Variants in SEC63 observed in about 807,000 individuals in gnomAD.
SEC63 encodes translocation protein SEC63 homolog.
SEC63 carries 56 observed loss-of-function variants against 116.2 expected under a neutral mutation model. The ratio of observed to expected loss-of-function variants is 0.48; its 90% CI spans 0.39 to 0.60. SEC63 has a LOEUF of 0.60. Among genes scored for constraint, SEC63 ranks in the 20% least tolerant of loss-of-function variants. The pLI, the probability that SEC63 is intolerant of heterozygous loss-of-function variation, is 0.00. For synonymous variants in SEC63, 273 were observed against 294.6 expected, an observed-to-expected ratio of 0.93 and a Z score of 0.75; for missense variants, 668 against 900.0, an observed-to-expected ratio of 0.74 and a Z score of 3.30.
At position 107,869,160 on chromosome 6, in the gene SEC63, G is replaced by A. The variant is rs930691383; in HGVS notation, c.*2544C>T. On this transcript the variant is annotated 3_prime_UTR_variant, in exon 21 of 21. Transcript: ENST00000369002. ...TGGGAGAAGCAGAGCAGAAGGTATT[G>A]TTCTACACAGAGAACTTCACTCAAT... is the stretch of plus-strand genomic sequence containing the variant. The A allele has an allele frequency of 6.6e-6, 1 of 151,852 alleles. No homozygotes were observed. Among genetic ancestry groups the A allele is most frequent in the East Asian group, 1.9e-4 (1 of 5,182 alleles). The allele number at this position is 151,852 out of a possible 1,614,324, so 9.4% of individuals were successfully genotyped here. A position where few individuals can be genotyped will look rare whatever the true frequency, so the allele number is the denominator to read the frequency against.
intron 16 of SEC63, among the ~76,000 whole-genome samples, chr6:107,886,329 T>C (rs1424919129): frequency 1.3e-5 from 2 of 152,218 alleles, no homozygotes; most frequent in African/African-American, 4.8e-5. Context: ...TACATCTGTA[T>C]GTGTCTTTAT....
chr6:107,902,394 A>G (rs1009175569), intron 12 of SEC63, among the ~76,000 whole-genome samples: 2 of 152,072 alleles, frequency 1.3e-5, no homozygotes, highest in Non-Finnish European at 2.9e-5. Flanking sequence ...CATTTACACA[A>G]ATTTTTGTTA....
At chr6:107,943,132 G>A (rs926008930) in intron 1 of SEC63, among the ~76,000 whole-genome samples, 9 of 152,306 alleles carry the variant, frequency 5.9e-5, no homozygotes, top group Admixed American at 2.0e-4. Context: ...GATGATTAGC[G>A]TCACACGATG....
Position 107,918,050 on chromosome 6 carries a change from T to C in SEC63, c.452+3747A>G, listed in dbSNP as rs549543838. ...GCTTCAAAAGACAGGCTGACTTTCT[T>C]GGTAGGGGCTAACGTTGCTGGCGAC... On this transcript the variant is annotated intron_variant, in intron 4 of 20. Coordinates refer to ENST00000369002, the MANE Select transcript of SEC63 (RefSeq NM_007214.5). 5.3e-5 allele frequency among the ~76,000 whole-genome samples: 8 copies of C among 152,318 alleles called. No individual in the cohort carries two copies. In the East Asian group the frequency reaches 1.5e-3, roughly 29 times the overall value.
chr6:107,953,697 G>A (rs1475447101), intron 1 of SEC63, among the ~76,000 whole-genome samples: 1 of 135,698 alleles, frequency 7.4e-6, no homozygotes, highest in Non-Finnish European at 1.6e-5. Context: ...GGAGGGAGGT[G>A]GGGGGTCAGC....
In SEC63 at chr6:107,870,046, T is replaced by G. The variant is rs578240380; in HGVS notation, c.*1658A>C. On this transcript the variant is annotated 3_prime_UTR_variant, in exon 21 of 21. Coordinates refer to ENST00000369002, the MANE Select transcript of SEC63 (RefSeq NM_007214.5). ...ATCCCTCCTTTCACTTGACACCAGCTGGCTTACCCCCTGCCACCACACTTA... is the reference window on the plus strand; with the variant it reads ...ATCCCTCCTTTCACTTGACACCAGCGGGCTTACCCCCTGCCACCACACTTA... 1.1e-3 allele frequency: 173 copies of G among 152,454 alleles called. 2 individuals carry two copies. The highest frequency in any genetic ancestry group is 4.0e-3 in the African/African-American group (167 of 41,552). 9.4% of individuals were successfully genotyped at this position (152,454 alleles called of 1,614,324 possible).
intron 1 of SEC63, among the ~76,000 whole-genome samples, chr6:107,930,360 C>T (rs1024504720): frequency 2.0e-5 from 3 of 151,636 alleles, no homozygotes; most frequent in Non-Finnish European, 4.4e-5. Flanking sequence ...CCTGTAATCC[C>T]GGCACTTTGG....
At chr6:107,928,829 C>A (rs1787734005) in intron 2 of SEC63, among the ~76,000 whole-genome samples, 1 of 152,180 alleles carries the variant, frequency 6.6e-6, no homozygotes, top group Non-Finnish European at 1.5e-5. Context: ...AACTGGTCTG[C>A]TGTAACTAAA....
chr6:107,950,367 T>C lies in SEC63; in HGVS notation c.124+7519A>G, dbSNP rs73502588. Among the ~76,000 whole-genome samples the C allele has an allele frequency of 3.1e-3, 474 of 152,018 alleles. 3 individuals carry two copies. Among genetic ancestry groups the C allele is most frequent in the African/African-American group, 0.011 (467 of 41,462 alleles). On this transcript the variant is annotated intron_variant, in intron 1 of 20. Transcript: ENST00000369002. ...TACACCCTCCATCCCCAAAAATGGA[T>C]AGAACAACCAAAAAGAAGATAAGGA... is the stretch of plus-strand genomic sequence containing the variant.
chr6:107,907,551 T>C (rs796213081), intron 8 of SEC63, among the ~76,000 whole-genome samples: 7 of 152,288 alleles, frequency 4.6e-5, no homozygotes, highest in African/African-American at 1.7e-4. Context: ...CATTGTACTC[T>C]AGCCTGGGAG....
chr6:107,881,125 C>T lies in SEC63; in HGVS notation c.1935+24G>A, dbSNP rs1444103205. On this transcript the variant is annotated intron_variant, in intron 18 of 20. Coordinates refer to ENST00000369002, the MANE Select transcript of SEC63 (RefSeq NM_007214.5). ...AGGAGAAAGTGAATGGAATAAGGAA[C>T]ACAGTAGCCTGTATATAACTCACCT... The T allele has an allele frequency of 2.0e-6, 3 of 1,465,628 alleles. No individual in the cohort carries two copies. The South Asian group carries it at 3.4e-5, about 17-fold the overall frequency. The allele number at this position is 1,465,628 out of a possible 1,614,324, so 90.8% of individuals were successfully genotyped here.
chr6:107,948,424 G>A (rs1770518914), intron 1 of SEC63, among the ~76,000 whole-genome samples: 2 of 152,252 alleles, frequency 1.3e-5, no homozygotes, highest in Admixed American at 1.3e-4. Context: ...AGCTCAAAGT[G>A]CTACCGTGAG....
At chr6:107,896,816 T>C (rs529563800) in intron 14 of SEC63, among the ~76,000 whole-genome samples, 1 of 151,996 alleles carries the variant, frequency 6.6e-6, no homozygotes, top group Admixed American at 6.5e-5. Context: ...CCATCTCTAC[T>C]AAAAACACAA....
At chr6:107,902,709 GAA>G in intron 12 of SEC63, 133 bp downstream of exon 12, 1 of 831,870 alleles carries the variant, frequency 1.2e-6, no homozygotes, top group Non-Finnish European at 2.0e-6. Flanking sequence ...CCACCTGAGA[GAA>G]AGTTTTAGAG....
At chr6:107,887,769 A>G (rs974293012) in intron 16 of SEC63, among the ~76,000 whole-genome samples, 5 of 152,158 alleles carry the variant, frequency 3.3e-5, no homozygotes, top group Non-Finnish European at 5.9e-5. Context: ...ATTTTTTTGT[A>G]TAAGATGTAA....
At chr6:107,940,180 T>TA (rs60668770) in intron 1 of SEC63, among the ~76,000 whole-genome samples, 239 of 144,090 alleles carry the variant, frequency 1.7e-3, no homozygotes, top group Middle Eastern at 3.7e-3. Context: ...GTTCTTGAAC[T>TA]AAAAAAAAAA....
intron 10 of SEC63, among the ~76,000 whole-genome samples, chr6:107,905,822 T>C (rs1787136080): frequency 6.6e-6 from 1 of 151,414 alleles, no homozygotes; most frequent in Non-Finnish European, 1.5e-5. Flanking sequence ...TTCTCTCACC[T>C]TGAAACACTA....
At chr6:107,904,465 T>C (rs768545745) in intron 11 of SEC63, among the ~76,000 whole-genome samples, 164 bp downstream of exon 11, 3 of 149,322 alleles carry the variant, frequency 2.0e-5, no homozygotes, top group African/African-American at 7.3e-5. Flanking sequence ...CTTTAAATAA[T>C]AGAAAATATA....
chr6:107,885,771 T>A (rs1227118172), intron 16 of SEC63, among the ~76,000 whole-genome samples: 1 of 152,164 alleles, frequency 6.6e-6, no homozygotes, highest in Non-Finnish European at 1.5e-5. Flanking sequence ...GCTACAACAA[T>A]TAAAACTGTA....
Sources: gnomAD v4.1 joint callset for allele counts (sites outside exome capture counted in the v4.1 genomes callset) on GRCh38, gnomAD v4.1.1 for gene constraint, MANE v1.5 for transcripts, NCBI Gene and HGNC (gene_info 2026-07-23, HGNC 2026-07-21) for gene names.